VIPR1: variants seen among roughly 807,000 people sequenced by gnomAD.
VIPR1 encodes the protein vasoactive intestinal polypeptide receptor 1.
A neutral mutation model predicts 58.8 loss-of-function variants in VIPR1; 59 were observed. That is an observed-to-expected ratio of 1.00 (90% CI 0.81 to 1.25). The LOEUF (loss-of-function observed/expected upper bound fraction) is 1.25. VIPR1 is among the 50% of genes most tolerant of loss of function. The pLI is 0.00. For missense variants in VIPR1, 626 were observed against 602.7 expected (o/e 1.04, Z -0.40); for synonymous variants, 251 against 242.1 (o/e 1.04, Z -0.34).
At chr3:42,494,003 T>A (rs1452012952) in intron 1 of VIPR1, among the ~76,000 whole-genome samples, 2 of 152,102 alleles carry the variant, frequency 1.3e-5, no homozygotes, top group Non-Finnish European at 2.9e-5. Context: ...TGGGCCCAGG[T>A]CCCCTCACCT....
In VIPR1 at chr3:42,527,885, G is replaced by A. The variant is rs1411017844; in HGVS notation, c.504-106G>A. ...TTTGAGGCGGGGCCTGCCCTCTGGA[G>A]GACACATGCTCCCCTGCCCCACCCT... On this transcript the variant is annotated intron_variant, in intron 5 of 12. Transcript: ENST00000325123. The A allele has an allele frequency of 2.7e-6, 4 of 1,479,514 alleles. No individual in the cohort carries two copies. In the Admixed American group the frequency reaches 5.8e-5, roughly 22 times the overall value. 91.6% of individuals were successfully genotyped at this position (1,479,514 alleles called of 1,614,324 possible).
chr3:42,523,603 C>CCACA (rs752088025), intron 3 of VIPR1, among the ~76,000 whole-genome samples: 1 of 88,280 alleles, frequency 1.1e-5, no homozygotes, highest in Non-Finnish European at 2.0e-5. Context: ...ACCTCCGCCA[C>CCACA]TACACACACA....
chr3:42,525,796 G>T, intron 3 of VIPR1, 91 bp from the exon 4 acceptor site: 1 of 1,337,648 alleles, frequency 7.5e-7, no homozygotes, highest in East Asian at 2.5e-5. Context: ...GTGGGAGTAG[G>T]GCTGAATTCT....
intron 10 of VIPR1, 65 bp downstream of exon 10, chr3:42,532,398 T>C: frequency 6.6e-7 from 1 of 1,515,304 alleles, no homozygotes; most frequent in Non-Finnish European, 9.2e-7. Context: ...TCATCCCACA[T>C]CTCCTTGAAG....
chr3:42,535,393 C>T lies in VIPR1; in HGVS notation c.1182+9C>T, dbSNP rs775057482. ...GCTTCCTCAATGGTGAGGTAAGCCC[C>T]TCCCAGTCCTTGGGGCTTAGGCAAT... On this transcript the variant is annotated intron_variant, in intron 12 of 12. Coordinates refer to ENST00000325123, the MANE Select transcript of VIPR1 (RefSeq NM_004624.4). The T allele has an allele frequency of 3.7e-6, 6 of 1,613,848 alleles. No individual in the cohort carries two copies. The African/African-American group carries it at 8.0e-5, about 22-fold the overall frequency.
intron 5 of VIPR1, 116 bp downstream of exon 5, chr3:42,527,612 C>A: frequency 2.1e-6 from 2 of 959,264 alleles, no homozygotes; most frequent in Non-Finnish European, 3.2e-6. Flanking sequence ...CCCCCAGCAG[C>A]ACATACTCCC....
chr3:42,509,198 C>T (rs12493238), intron 1 of VIPR1: 83,784 of 152,160 alleles, frequency 0.55, 25,002 homozygotes, highest in Non-Finnish European at 0.66. Context: ...ATCCAGCCTG[C>T]TGCATTCTGT....
upstream of VIPR1, chr3:42,502,605 G>A: frequency 1.5e-6 from 1 of 679,230 alleles, no homozygotes; most frequent in Non-Finnish European, 2.0e-6. Flanking sequence ...CCAGCCCTGA[G>A]CTGCGCCTCT....
intron 1 of VIPR1, 154 bp from the exon 2 acceptor site, chr3:42,513,595 G>A: frequency 1.4e-6 from 1 of 738,516 alleles, no homozygotes; most frequent in Non-Finnish European, 2.2e-6. Flanking sequence ...AACAGGTTGG[G>A]GTCAGGTTCA....
intron 1 of VIPR1, among the ~76,000 whole-genome samples, chr3:42,510,148 G>A (rs7618710): frequency 0.33 from 50,531 of 152,142 alleles, 10,056 homozygotes; most frequent in Non-Finnish European, 0.43. Flanking sequence ...GCTACACCAG[G>A]CTTCTCACAG....
At chr3:42,503,153 G>A (rs926335449) in intron 1 of VIPR1, among the ~76,000 whole-genome samples, 1 of 152,164 alleles carries the variant, frequency 6.6e-6, no homozygotes, top group African/African-American at 2.4e-5. Context: ...GTCAGGTACT[G>A]CGGCCGATTG....
chr3:42,502,208 A>G (rs1353247076), upstream of VIPR1: 1 of 152,424 alleles, frequency 6.6e-6, no homozygotes. Flanking sequence ...ATTTGCGCGC[A>G]CGAACCCTCG....
Position 42,491,174 on chromosome 3 carries a change from G to A in VIPR1, c.-245+1496G>A, listed in dbSNP as rs540451156. ...GAGAAGCACAGGCAGAGAGATTGAG[G>A]GGAGTCTCTGTATGAAATTTGAATG... is the stretch of plus-strand genomic sequence containing the variant. On this transcript the variant is annotated intron_variant, in intron 1 of 13. Transcript: ENST00000433647. Among the ~76,000 whole-genome samples, 4 of 152,276 alleles carry A rather than the reference G, an allele frequency of 2.6e-5. No homozygotes were observed. The East Asian group carries it at 7.7e-4, about 29-fold the overall frequency.
chr3:42,505,849 T>C (rs1700098703), intron 1 of VIPR1, among the ~76,000 whole-genome samples: 1 of 152,194 alleles, frequency 6.6e-6, no homozygotes, highest in African/African-American at 2.4e-5. Context: ...CCGCCCAGTG[T>C]GCAGGAGAAG....
At chr3:42,519,114 T>C in intron 2 of VIPR1, 109 bp from the exon 3 acceptor site, 1 of 863,750 alleles carries the variant, frequency 1.2e-6, no homozygotes, top group Non-Finnish European at 1.7e-6. Flanking sequence ...CTCCTTGAGG[T>C]GGGAGCCTGG....
chr3:42,536,442 C>T lies in VIPR1; in HGVS notation c.*161C>T, dbSNP rs1324775069. The T allele has an allele frequency of 7.0e-6, 5 of 713,454 alleles. No homozygotes were observed. The South Asian group carries it at 8.9e-5, about 13-fold the overall frequency. The allele number at this position is 713,454 out of a possible 1,614,324, so 44.2% of individuals were successfully genotyped here. A position where few individuals can be genotyped will look rare whatever the true frequency, so the allele number is the denominator to read the frequency against. ...CTCTGGTCCGGACACTCCTAGAGAA[C>T]GCAGCCCTAGAGCCTGCCTGGAGCG... On this transcript the variant is annotated 3_prime_UTR_variant, in exon 13 of 13. Transcript: ENST00000325123.
Position 42,536,365 on chromosome 3 carries a change from G to A in VIPR1, c.*84G>A, listed in dbSNP as rs185943402. 4.6e-4 allele frequency: 640 copies of A among 1,397,708 alleles called. 3 individuals are homozygous for A. In the African/African-American group the frequency reaches 8.6e-3, roughly 19 times the overall value. The allele number at this position is 1,397,708 out of a possible 1,614,324, so 86.6% of individuals were successfully genotyped here. A position where few individuals can be genotyped will look rare whatever the true frequency, so the allele number is the denominator to read the frequency against. Reference sequence around the variant, plus strand: ...AGACGCCGGGGACAGAGGCCTGCCCGGGCGCGGCCAGCCCCGGCCCTGGGC... The same window carrying A: ...AGACGCCGGGGACAGAGGCCTGCCCAGGCGCGGCCAGCCCCGGCCCTGGGC... On this transcript the variant is annotated 3_prime_UTR_variant, in exon 13 of 13. Coordinates refer to ENST00000325123, the MANE Select transcript of VIPR1 (RefSeq NM_004624.4).
chr3:42,518,130 A>C (rs1040131403), intron 2 of VIPR1, among the ~76,000 whole-genome samples: 2 of 152,122 alleles, frequency 1.3e-5, no homozygotes, highest in Non-Finnish European at 2.9e-5. Context: ...CTGTAAAATA[A>C]ATATTAAAAG....
At chr3:42,529,720 TA>T (rs1304459876) in intron 6 of VIPR1, 2 of 152,194 alleles carry the variant, frequency 1.3e-5, no homozygotes, top group African/African-American at 4.8e-5. Flanking sequence ...AGGGTGGCTT[TA>T]AGCCCTGGCT....
Sources: allele counts gnomAD v4.1 joint callset (sites outside exome capture counted in the v4.1 genomes callset), GRCh38; gene constraint gnomAD v4.1.1; transcripts MANE v1.5; gene names NCBI Gene and HGNC (gene_info 2026-07-23, HGNC 2026-07-21).